PTPRT: variants seen among roughly 807,000 people sequenced by gnomAD.
PTPRT encodes protein tyrosine phosphatase receptor type T, also known as receptor-type tyrosine-protein phosphatase T.
In PTPRT, 56 loss-of-function variants were observed where a neutral mutation model predicts 176.8. That is an observed-to-expected ratio of 0.32 (90% CI 0.26 to 0.40). The LOEUF (loss-of-function observed/expected upper bound fraction) is 0.40. Ranked by LOEUF, PTPRT falls within the 10% of genes least tolerant of loss-of-function variation. PTPRT has a pLI of 1.00. For missense variants in PTPRT, 1,540 were observed against 1,908.2 expected, an observed-to-expected ratio of 0.81 and a Z score of 3.60; for synonymous variants, 783 against 739.0, an observed-to-expected ratio of 1.06 and a Z score of -0.96.
intron 1 of PTPRT, among the ~76,000 whole-genome samples, chr20:43,055,675 AT>A (rs1987205646): frequency 6.6e-6 from 1 of 152,242 alleles, no homozygotes; most frequent in Non-Finnish European, 1.5e-5. Flanking sequence ...AATTGTCTGC[AT>A]TCCTCAAACA....
intron 4 of PTPRT, among the ~76,000 whole-genome samples, chr20:42,775,239 C>T (rs558930917): frequency 6.6e-6 from 1 of 152,340 alleles, no homozygotes; most frequent in Non-Finnish European, 1.5e-5. Context: ...GATGTCAGTG[C>T]AGCATCTGAA....
chr20:42,766,632 A>G (rs1234988804), intron 5 of PTPRT, among the ~76,000 whole-genome samples: 1 of 152,182 alleles, frequency 6.6e-6, no homozygotes, highest in African/African-American at 2.4e-5. Flanking sequence ...GCAAGCTATA[A>G]AGTCCCACTC....
chr20:42,174,950 T>G (rs1247541888), intron 16 of PTPRT, among the ~76,000 whole-genome samples: 2 of 152,170 alleles, frequency 1.3e-5, no homozygotes, highest in African/African-American at 4.8e-5. Context: ...TGTTAGAAGT[T>G]CAACACATCA....
intron 9 of PTPRT, among the ~76,000 whole-genome samples, chr20:42,357,870 C>T (rs893275888): frequency 1.3e-5 from 2 of 152,114 alleles, no homozygotes; most frequent in Admixed American, 6.5e-5. Flanking sequence ...GCCACAATCG[C>T]GGCACAGCAT....
intron 1 of PTPRT, among the ~76,000 whole-genome samples, chr20:43,010,696 G>A (rs890234390): frequency 1.4e-5 from 2 of 146,762 alleles, no homozygotes; most frequent in Non-Finnish European, 3.0e-5. Flanking sequence ...CATCAGCTAC[G>A]AACACAGAGT....
At chr20:42,155,650 A>T (rs1989318657) in intron 17 of PTPRT, among the ~76,000 whole-genome samples, 1 of 152,200 alleles carries the variant, frequency 6.6e-6, no homozygotes, top group South Asian at 2.1e-4. Context: ...TAGTTCATAC[A>T]TTATTTCAAA....
At chr20:42,917,982 C>G (rs762597222) in intron 1 of PTPRT, among the ~76,000 whole-genome samples, 1 of 152,118 alleles carries the variant, frequency 6.6e-6, no homozygotes, top group Non-Finnish European at 1.5e-5. Context: ...TACTAGCGGT[C>G]GCGTGTCCCA....
intron 9 of PTPRT, among the ~76,000 whole-genome samples, chr20:42,438,795 G>C (rs1295860877): frequency 6.6e-6 from 1 of 152,130 alleles, no homozygotes; most frequent in Non-Finnish European, 1.5e-5. Context: ...CTATCCTTAG[G>C]TAACAAGTGC....
At chr20:42,043,513 T>C in the PTPRT span, among the ~76,000 whole-genome samples, 1 of 152,212 alleles carries the variant, frequency 6.6e-6, no homozygotes, top group African/African-American at 2.4e-5. Flanking sequence ...TCTCCGGTTC[T>C]CACTTTACCT....
chr20:42,379,114 T>C (rs1371838079), intron 9 of PTPRT, among the ~76,000 whole-genome samples: 3 of 152,218 alleles, frequency 2.0e-5, no homozygotes, highest in South Asian at 4.1e-4. Context: ...AACTCTGGCG[T>C]GCCCAGCCTC....
At chr20:42,915,448 T>C (rs796805229) in intron 1 of PTPRT, among the ~76,000 whole-genome samples, 2 of 152,312 alleles carry the variant, frequency 1.3e-5, no homozygotes, top group South Asian at 2.1e-4. Flanking sequence ...CGGGAAAGAC[T>C]GCACAGCCAC....
intron 7 of PTPRT, among the ~76,000 whole-genome samples, chr20:42,619,838 T>C (rs1172437607): frequency 1.5e-5 from 2 of 129,682 alleles, no homozygotes. Flanking sequence ...AGTTATACAT[T>C]CTTCTAAATT....
chr20:42,742,539 A>G (rs2076626956), intron 6 of PTPRT, among the ~76,000 whole-genome samples: 1 of 152,180 alleles, frequency 6.6e-6, no homozygotes, highest in African/African-American at 2.4e-5. Flanking sequence ...ATGTCACAGC[A>G]GGAGGGGAAA....
chr20:42,355,433 G>A (rs1432064690), intron 9 of PTPRT, among the ~76,000 whole-genome samples: 1 of 152,222 alleles, frequency 6.6e-6, no homozygotes, highest in Non-Finnish European at 1.5e-5. Context: ...AAGGAAAAAT[G>A]CTCGTGGAGG....
At chr20:42,711,172 T>C (rs933634102) in intron 6 of PTPRT, among the ~76,000 whole-genome samples, 1 of 152,250 alleles carries the variant, frequency 6.6e-6, no homozygotes, top group East Asian at 1.9e-4. Flanking sequence ...TTTTGACTTC[T>C]GAGTGGATGC....
At chr20:43,096,059 TCCTCTCTC>T (rs748410775) in intron 1 of PTPRT, among the ~76,000 whole-genome samples, 1,065 of 76,934 alleles carry the variant, frequency 0.014, 43 homozygotes, top group African/African-American at 0.054. Flanking sequence ...CCCACCTGCC[TCCTCTCTC>T]CCTCTCTCCC....
At chr20:43,091,243 C>T (rs1297517894) in intron 1 of PTPRT, among the ~76,000 whole-genome samples, 1 of 151,822 alleles carries the variant, frequency 6.6e-6, no homozygotes, top group Non-Finnish European at 1.5e-5. Flanking sequence ...AAAAAACAAA[C>T]CCTGAAATCT....
At chr20:42,307,784 G>A (rs1417458876) in intron 12 of PTPRT, among the ~76,000 whole-genome samples, 1 of 152,120 alleles carries the variant, frequency 6.6e-6, no homozygotes, top group Admixed American at 6.6e-5. Flanking sequence ...GACCTACTGG[G>A]CTGTATTCTC....
chr20:43,006,102 G>A (rs1984842136), intron 1 of PTPRT, among the ~76,000 whole-genome samples: 3 of 152,134 alleles, frequency 2.0e-5, no homozygotes, highest in Admixed American at 1.3e-4. Flanking sequence ...TACAAAATGA[G>A]TCATGGTTTG....
Sources: gnomAD v4.1 joint callset for allele counts (sites outside exome capture counted in the v4.1 genomes callset) on GRCh38, gnomAD v4.1.1 for gene constraint, MANE v1.5 for transcripts, NCBI Gene and HGNC (gene_info 2026-07-23, HGNC 2026-07-21) for gene names.